HMCN1: variants seen among roughly 807,000 people sequenced by gnomAD.
The protein encoded by HMCN1 is hemicentin-1.
A neutral mutation model predicts 625.9 loss-of-function variants in HMCN1; 321 were observed. That is an observed-to-expected ratio of 0.51 (90% confidence interval 0.47 to 0.56). The LOEUF is 0.56. HMCN1 is among the 20% of genes least tolerant of loss of function. The pLI, the probability that HMCN1 is intolerant of heterozygous loss-of-function variation, is 0.00. For missense variants in HMCN1, 6,588 were observed against 6,887.3 expected (o/e 0.96, Z 1.54); for synonymous variants, 2,425 against 2,417.6 (o/e 1.00, Z -0.09).
intron 11 of HMCN1, among the ~76,000 whole-genome samples, chr1:185,949,668 T>C (rs1189097968): frequency 3.3e-5 from 5 of 151,944 alleles, no homozygotes; most frequent in African/African-American, 9.7e-5. Flanking sequence ...TGAGGAATTA[T>C]GTCTGACAGA....
At chr1:185,761,822 C>T (rs1655525090) in intron 1 of HMCN1, among the ~76,000 whole-genome samples, 2 of 150,762 alleles carry the variant, frequency 1.3e-5, no homozygotes, top group Admixed American at 1.3e-4. Flanking sequence ...TGGTTTCTGA[C>T]CATAAATTTT....
chr1:185,797,541 A>G (rs1439407896), intron 1 of HMCN1, among the ~76,000 whole-genome samples: 2 of 152,230 alleles, frequency 1.3e-5, no homozygotes, highest in Non-Finnish European at 1.5e-5. Flanking sequence ...TCCTGGCCTC[A>G]AGCAGTTCTC....
chr1:186,031,258 T>C lies in HMCN1; in HGVS notation c.5750-6676T>C, dbSNP rs183076747. ...CTTCTAGAAATATCTTAATTTCTTC[T>C]TTAATTTTAAAAGACAGATTTTCTG... On this transcript the variant is annotated intron_variant, in intron 36 of 106. Coordinates refer to ENST00000271588, the MANE Select transcript of HMCN1 (RefSeq NM_031935.3). Among the ~76,000 whole-genome samples the C allele has an allele frequency of 3.4e-3, 524 of 152,196 alleles. 3 individuals are homozygous for C. Among genetic ancestry groups the C allele is most frequent in the Non-Finnish European group, 6.1e-3 (415 of 67,930 alleles).
chr1:186,027,353 C>A (rs970132773), intron 36 of HMCN1, among the ~76,000 whole-genome samples: 1 of 152,100 alleles, frequency 6.6e-6, no homozygotes, highest in Non-Finnish European at 1.5e-5. Flanking sequence ...TTGCCAAGTG[C>A]GACAGATGTT....
At chr1:186,093,344 G>A in intron 65 of HMCN1, 86 bp downstream of exon 65, 2 of 1,595,004 alleles carry the variant, frequency 1.3e-6, no homozygotes, top group African/African-American at 1.3e-5. Context: ...GGTGTCTGGA[G>A]CATTTAGTTT....
rs1201557431 is a variant in HMCN1, at chr1:186,053,929, T to G, written c.6805T>G (p.Cys2269Gly). ...AAAGTCTGATGCAGCACTCTATTCA[T>G]GTGTGGCGTCGAATGTTGCTGGGAC... ...AEKSDAALYS[C>G]VASNVAGTAK... The change falls in exon 44 of 107, where the codon TGT (cysteine) becomes GGT (glycine). Residue 2269 changes from cysteine to glycine, a missense_variant. Physicochemically the swap from Cys to Gly is radical, Grantham distance 159. This residue lies in a region of HMCN1 where 4,628 missense variants were observed against 4,853.1 expected (regional missense o/e 0.95). Transcript: ENST00000271588. 1 of 1,612,692 alleles carries G rather than the reference T, an allele frequency of 6.2e-7. No individual in the cohort carries two copies. The highest frequency in any genetic ancestry group is 8.5e-7 in the Non-Finnish European group (1 of 1,179,238).
chr1:186,019,842 T>A (rs1654603942), intron 35 of HMCN1, 147 bp downstream of exon 35: 1 of 603,124 alleles, frequency 1.7e-6, no homozygotes, highest in Non-Finnish European at 2.8e-6. Context: ...TTTCTTAGAG[T>A]TTTTAAGAAT....
Position 186,189,872 on chromosome 1 carries a change from A to G in HMCN1, c.16902A>G (p.Pro5634=), listed in dbSNP as rs1370333914. 1.9e-6 allele frequency: 3 copies of G among 1,613,570 alleles called. No homozygotes were observed. Among genetic ancestry groups the G allele is most frequent in the South Asian group, 1.1e-5 (1 of 91,062 alleles). Residue 5634 remains proline (P), a synonymous_variant, in exon 107 of 107, where the codon CCA becomes CCG. Coordinates refer to ENST00000271588, the MANE Select transcript of HMCN1 (RefSeq NM_031935.3). The stretch of plus-strand genomic sequence containing the variant: ...TTTATATAGCTGTGTCCGCCTATCC[A>G]TACTAAGGAACTCTCCAAAGCCTAT... The part of the protein sequence containing the change: ...FIVYIAVSAY[P]Y
At chr1:186,021,830 C>A (rs1473677519) in intron 35 of HMCN1, among the ~76,000 whole-genome samples, 2 of 151,882 alleles carry the variant, frequency 1.3e-5, no homozygotes, top group African/African-American at 4.8e-5. Flanking sequence ...ATTATTCTGG[C>A]AACAATATGC....
Position 186,095,130 on chromosome 1 carries a change from T to C in HMCN1, c.10295-113T>C, listed in dbSNP as rs551894418. 1.2e-5 allele frequency: 12 copies of C among 1,033,038 alleles called. No individual in the cohort carries two copies. The South Asian group carries it at 1.5e-4, about 13-fold the overall frequency. 64.0% of individuals were successfully genotyped at this position (1,033,038 alleles called of 1,614,324 possible). A position where few individuals can be genotyped will look rare whatever the true frequency, so the allele number is the denominator to read the frequency against. ...TTAGTTATTATACACAATTTTAAAG[T>C]ATATATTTTTATCAACCACAGAAAC... On this transcript the variant is annotated intron_variant, in intron 67 of 106. Transcript: ENST00000271588.
intron 14 of HMCN1, among the ~76,000 whole-genome samples, chr1:185,967,774 T>C (rs1009899553): frequency 3.3e-5 from 5 of 152,112 alleles, no homozygotes; most frequent in African/African-American, 9.7e-5. Flanking sequence ...ATGGAAACCA[T>C]AGGGGTGAGG....
chr1:186,035,130 G>A (rs1324800875), intron 36 of HMCN1, among the ~76,000 whole-genome samples: 1 of 152,158 alleles, frequency 6.6e-6, no homozygotes, highest in African/African-American at 2.4e-5. Flanking sequence ...GGAAAAGTTA[G>A]ATAGCTATAT....
intron 4 of HMCN1, among the ~76,000 whole-genome samples, chr1:185,899,572 C>T (rs1250007875): frequency 2.6e-5 from 4 of 152,142 alleles, no homozygotes; most frequent in Non-Finnish European, 4.4e-5. Flanking sequence ...TTGAGGCTCT[C>T]ACAACCCAGA....
intron 1 of HMCN1, among the ~76,000 whole-genome samples, chr1:185,794,824 T>TAA (rs5779260): frequency 3.3e-5 from 5 of 151,650 alleles, no homozygotes; most frequent in African/African-American, 9.7e-5. Context: ...AACATTGATT[T>TAA]AAAAAAACTT....
At chr1:186,094,224 G>T in intron 66 of HMCN1, 52 bp from the exon 67 acceptor site, 3 of 1,284,250 alleles carry the variant, frequency 2.3e-6, no homozygotes, top group South Asian at 1.2e-5. Flanking sequence ...TATTTTATGT[G>T]TACTTGTTGT....
At chr1:186,078,018 C>T (rs56130833) in intron 54 of HMCN1, 89 bp from the exon 55 acceptor site, 47,721 of 887,490 alleles carry the variant, frequency 0.054, 1,631 homozygotes, top group Middle Eastern at 0.085. Flanking sequence ...AAATGTAAGG[C>T]AGTCATTAGA....
At chr1:186,151,841 AC>A in intron 95 of HMCN1, 98 bp downstream of exon 95, 3 of 1,264,912 alleles carry the variant, frequency 2.4e-6, no homozygotes, top group Non-Finnish European at 3.4e-6. Flanking sequence ...ATAATTTGAA[AC>A]TTTTTACGCA....
In HMCN1 at chr1:185,909,494, T is replaced by C; in HGVS notation, c.779T>C (p.Ile260Thr). The C allele has an allele frequency of 1.2e-6, 2 of 1,613,164 alleles. No individual in the cohort carries two copies. The highest frequency in any genetic ancestry group is 4.5e-5 in the East Asian group (2 of 44,844). ...AGTGGGCCTTCTCCAATGATTGAAA[T>C]TCGCAATCCTTTAGGTGAGATATAT... The part of the protein sequence containing the change: ...SLSGPSPMIE[I>T]RNPLGKLIKK... Residue 260 changes from isoleucine (I) to threonine (T), a missense_variant, in exon 5 of 107, where the codon ATT (isoleucine) becomes ACT (threonine). By Grantham distance (89) the Ile-to-Thr change is moderately conservative. This residue lies in a region of HMCN1 where 4,628 missense variants were observed against 4,853.1 expected (regional missense o/e 0.95). Coordinates refer to ENST00000271588, the MANE Select transcript of HMCN1 (RefSeq NM_031935.3).
In HMCN1 at chr1:186,108,491, C is replaced by A; in HGVS notation, c.10883C>A (p.Pro3628His). The A allele has an allele frequency of 6.2e-7, 1 of 1,613,984 alleles. No homozygotes were observed. Among genetic ancestry groups the A allele is most frequent in the Non-Finnish European group, 8.5e-7 (1 of 1,179,992 alleles). ...CCTAATATTGCTGGAACTGATGAGC[C>A]CCGGGATATCACTGTGTTACGGAAC... ...VPPNIAGTDEPRDITVLRNRQ... is the reference protein window; with the variant it reads ...VPPNIAGTDEHRDITVLRNRQ... The change falls in exon 71 of 107, where the codon CCC (proline) becomes CAC (histidine). Residue 3628 changes from proline (P) to histidine (H), a missense_variant. Around this residue, in one of 3 missense-constraint regions of HMCN1, gnomAD observed 4,628 missense variants for 4,853.1 expected, o/e 0.95. Coordinates refer to ENST00000271588, the MANE Select transcript of HMCN1 (RefSeq NM_031935.3).
Sources: gnomAD v4.1 joint callset for allele counts (sites outside exome capture counted in the v4.1 genomes callset) on GRCh38, gnomAD v4.1.1 for gene constraint, gnomAD v4.1.1 regional missense constraint, MANE v1.5 for transcripts, NCBI Gene and HGNC (gene_info 2026-07-23, HGNC 2026-07-21) for gene names.